Variants in FRMPD2 observed in about 807,000 individuals in gnomAD.
FRMPD2 encodes FERM and PDZ domain containing 2, also known as FERM and PDZ domain-containing protein 2.
Under a neutral mutation model 140.1 loss-of-function variants are expected in FRMPD2, and 96 were observed. The ratio of observed to expected loss-of-function variants is 0.69; its 90% CI spans 0.58 to 0.81. FRMPD2 has a LOEUF of 0.81. FRMPD2 is among the 40% of genes least tolerant of loss of function. The pLI, the probability that FRMPD2 is intolerant of heterozygous loss-of-function variation, is 0.00. For synonymous variants in FRMPD2, 449 were observed against 547.6 expected (o/e 0.82, Z 2.52); for missense variants, 1,240 against 1,447.4 (o/e 0.86, Z 2.32).
chr10:48,262,027 CG>C, intron 1 of FRMPD2, among the ~76,000 whole-genome samples: 1 of 152,034 alleles, frequency 6.6e-6, no homozygotes, highest in African/African-American at 2.4e-5. Flanking sequence ...CAGAAAAACA[CG>C]GGAAGATCTT....
chr10:48,230,701 G>A (rs1007850212), intron 10 of FRMPD2, among the ~76,000 whole-genome samples: 1 of 152,314 alleles, frequency 6.6e-6, no homozygotes, highest in African/African-American at 2.4e-5. Context: ...CTGTAGCCCT[G>A]TTCATTGCTT....
intron 1 of FRMPD2, among the ~76,000 whole-genome samples, chr10:48,263,047 A>C (rs910502910): frequency 2.0e-5 from 3 of 152,236 alleles, no homozygotes; most frequent in Non-Finnish European, 4.4e-5. Flanking sequence ...GAGATTAAAC[A>C]ACACACTTCT....
chr10:48,163,802 C>G (rs1332467036), intron 27 of FRMPD2, 131 bp from the exon 28 acceptor site: 2 of 677,298 alleles, frequency 3.0e-6, no homozygotes, highest in Non-Finnish European at 5.4e-6. Context: ...CTGTCTATCA[C>G]CATAGCATCC....
At chr10:48,243,802 G>C (rs913769367) in intron 4 of FRMPD2, among the ~76,000 whole-genome samples, 1 of 152,132 alleles carries the variant, frequency 6.6e-6, no homozygotes, top group Non-Finnish European at 1.5e-5. Context: ...AGAAAGAAAG[G>C]CAGGAAGGAA....
chr10:48,274,086 A>G (rs1194320043), intron 1 of FRMPD2, among the ~76,000 whole-genome samples: 1 of 152,206 alleles, frequency 6.6e-6, no homozygotes, highest in Non-Finnish European at 1.5e-5. Flanking sequence ...AAAGATAGTG[A>G]CAGCCATGAT....
At chr10:48,253,076 C>T (rs1840423439) in intron 1 of FRMPD2, among the ~76,000 whole-genome samples, 1 of 152,106 alleles carries the variant, frequency 6.6e-6, no homozygotes, top group Non-Finnish European at 1.5e-5. Flanking sequence ...CAAAAAATCT[C>T]TAAATCCCAA....
intron 1 of FRMPD2, among the ~76,000 whole-genome samples, chr10:48,254,294 G>C (rs1588856998): frequency 6.6e-6 from 1 of 152,332 alleles, no homozygotes; most frequent in East Asian, 1.9e-4. Flanking sequence ...CTACAGTGTG[G>C]GTTATGAATA....
At position 48,235,855 on chromosome 10, in the gene FRMPD2, G is replaced by A. The variant is rs560301030; in HGVS notation, c.993+627C>T. Among the ~76,000 whole-genome samples, 5 of 152,212 alleles carry A rather than the reference G, an allele frequency of 3.3e-5. No homozygotes were observed. The East Asian group carries it at 5.8e-4, about 18-fold the overall frequency. Reference sequence around the variant, plus strand: ...CCACACATGGGGCTCTGCAGGGGACGTGCTCAGGCTCTGGGGCAGGGAAGG... The same window carrying A: ...CCACACATGGGGCTCTGCAGGGGACATGCTCAGGCTCTGGGGCAGGGAAGG... On this transcript the variant is annotated intron_variant, in intron 9 of 28. Transcript: ENST00000374201.
At chr10:48,184,947 G>C in intron 18 of FRMPD2, 66 bp from the exon 19 acceptor site, 1 of 1,243,340 alleles carries the variant, frequency 8.0e-7, no homozygotes, top group African/African-American at 1.5e-5. Flanking sequence ...AGAGAGGTTA[G>C]GTTATTTCCC....
intron 3 of FRMPD2, among the ~76,000 whole-genome samples, chr10:48,247,638 T>C (rs771520333): frequency 2.0e-5 from 3 of 152,168 alleles, no homozygotes; most frequent in Non-Finnish European, 2.9e-5. Context: ...CCCTCCAGAC[T>C]CTCATTTACC....
chr10:48,217,182 C>T (rs1839470610), intron 12 of FRMPD2, among the ~76,000 whole-genome samples: 1 of 152,232 alleles, frequency 6.6e-6, no homozygotes, highest in South Asian at 2.1e-4. Context: ...GTAGTGTCTT[C>T]CAGTCCGGGA....
chr10:48,187,241 T>A lies in FRMPD2; in HGVS notation c.2217A>T (p.Pro739=), dbSNP rs1838711949. Reference sequence around the variant, plus strand: ...GTCCAGAGAGAGAGTCCCAGGTCATTGGCTTCTGGATCACACAGGCACTCT... The same window carrying A: ...GTCCAGAGAGAGAGTCCCAGGTCATAGGCTTCTGGATCACACAGGCACTCT... ...QLKSACVIQK[P]MTWDSLSGPP... The change falls in exon 17 of 29, where the codon CCA becomes CCT. Residue 739 remains proline, a synonymous_variant. Coordinates refer to ENST00000374201, the MANE Select transcript of FRMPD2 (RefSeq NM_001018071.4). 1 of 1,614,106 alleles carries A rather than the reference T, an allele frequency of 6.2e-7. No individual in the cohort carries two copies.
chr10:48,195,690 AT>A (rs2131852920), intron 15 of FRMPD2, among the ~76,000 whole-genome samples: 1 of 152,386 alleles, frequency 6.6e-6, no homozygotes, highest in Non-Finnish European at 1.5e-5. Flanking sequence ...GATATTTATC[AT>A]ATTATTTGTA....
chr10:48,202,685 A>G (rs1302380314), intron 14 of FRMPD2, among the ~76,000 whole-genome samples: 3 of 152,246 alleles, frequency 2.0e-5, no homozygotes, highest in African/African-American at 2.4e-5. Flanking sequence ...ACACTTTTTC[A>G]AAGTCGAATA....
At chr10:48,233,153 A>T (rs191036284) in intron 9 of FRMPD2, among the ~76,000 whole-genome samples, 140 of 152,228 alleles carry the variant, frequency 9.2e-4, no homozygotes, top group Middle Eastern at 3.4e-3. Flanking sequence ...ACACTAGCAT[A>T]TGTGGCCTTA....
rs1053172221 is a variant in FRMPD2 at position 48,242,235 on chromosome 10, C to T, written c.493G>A (p.Val165Met). 1 of 1,614,180 alleles carries T rather than the reference C, an allele frequency of 6.2e-7. No individual in the cohort carries two copies. Among genetic ancestry groups the T allele is most frequent in the Non-Finnish European group, 8.5e-7 (1 of 1,180,034 alleles). ...LEACRVHEKEVSVYPAPAGLH... is the reference protein window; with the variant it reads ...LEACRVHEKEMSVYPAPAGLH... Reference sequence around the variant, plus strand: ...CCAGCAGGGGCTGGGTAGACAGACACTTCTTTCTCATGAACCCGACAAGCT... The same window carrying T: ...CCAGCAGGGGCTGGGTAGACAGACATTTCTTTCTCATGAACCCGACAAGCT... Residue 165 changes from valine (V) to methionine (M), a missense_variant, in exon 5 of 29, where the codon GTG becomes ATG. Transcript: ENST00000374201.
rs536653360 is a variant in FRMPD2 at position 48,261,511 on chromosome 10, G to A, written c.26-9820C>T. Among the ~76,000 whole-genome samples, 28 of 152,140 alleles carry A rather than the reference G, an allele frequency of 1.8e-4. No homozygotes were observed. The South Asian group carries it at 4.4e-3, about 24-fold the overall frequency. On this transcript the variant is annotated intron_variant, in intron 1 of 28. Transcript: ENST00000374201. ...GATCGTAGGACGTAATATTTAAAGT[G>A]TAAAAATAAAAAAACTACCAATCTA... is the stretch of plus-strand genomic sequence containing the variant.
intron 1 of FRMPD2, among the ~76,000 whole-genome samples, chr10:48,259,952 G>A (rs1840552597): frequency 6.6e-6 from 1 of 152,064 alleles, no homozygotes; most frequent in Admixed American, 6.5e-5. Context: ...CTGTATTAGG[G>A]TTCTCCAGAA....
chr10:48,184,579 A>C lies in FRMPD2; in HGVS notation c.2571T>G (p.Ile857Met), dbSNP rs1268169814. 4 of 1,606,122 alleles carry C rather than the reference A, an allele frequency of 2.5e-6. No homozygotes were observed. The highest frequency in any genetic ancestry group is 1.7e-5 in the Admixed American group (1 of 59,982). Reference sequence around the variant, plus strand: ...GTTAAAACATACCTTTTGACTGAGAAATAATTAATTCTATGTTGTCAGGGG... The same window carrying C: ...GTTAAAACATACCTTTTGACTGAGACATAATTAATTCTATGTTGTCAGGGG... ...QNSPDNIELI[I>M]SQSKGVGGNN... Residue 857 changes from isoleucine to methionine, a missense_variant, in exon 20 of 29, where the codon ATT (isoleucine) becomes ATG (methionine). By Grantham distance (10) the Ile-to-Met change is conservative (BLOSUM62 1). This residue lies in a region of FRMPD2 where 1,161 missense variants were observed against 1,055.9 expected (regional missense o/e 1.10). Transcript: ENST00000374201.
Sources: allele counts gnomAD v4.1 joint callset (sites outside exome capture counted in the v4.1 genomes callset), GRCh38; gene constraint gnomAD v4.1.1; regional missense constraint gnomAD v4.1.1; transcripts MANE v1.5; gene names NCBI Gene and HGNC (gene_info 2026-07-23, HGNC 2026-07-21).